Variants in DIAPH3 observed in about 807,000 individuals in gnomAD.
The protein encoded by DIAPH3 is protein diaphanous homolog 3.
Under a neutral mutation model 144.3 loss-of-function variants are expected in DIAPH3, and 117 were observed. That is an observed-to-expected ratio of 0.81 (90% CI 0.70 to 0.95). The LOEUF is 0.95. DIAPH3 is among the 40% of genes least tolerant of loss of function. The pLI is 0.00. For synonymous variants in DIAPH3, 519 were observed against 488.9 expected (o/e 1.06, Z -0.81); for missense variants, 1,421 against 1,412.7 (o/e 1.01, Z -0.09).
At chr13:59,702,430 T>G (rs1408251649) in intron 27 of DIAPH3, among the ~76,000 whole-genome samples, 1 of 152,192 alleles carries the variant, frequency 6.6e-6, no homozygotes, top group Non-Finnish European at 1.5e-5. Flanking sequence ...ATATTCACAG[T>G]GTGGAAAAGC....
At chr13:59,766,788 CAA>C (rs11300341) in intron 27 of DIAPH3, among the ~76,000 whole-genome samples, 26 of 139,320 alleles carry the variant, frequency 1.9e-4, no homozygotes, top group African/African-American at 2.3e-4. Flanking sequence ...TCTAGGCTTT[CAA>C]AAAAAAAAAA....
At chr13:59,825,283 T>C (rs1050490028) in intron 24 of DIAPH3, among the ~76,000 whole-genome samples, 1 of 151,966 alleles carries the variant, frequency 6.6e-6, no homozygotes, top group Non-Finnish European at 1.5e-5. Flanking sequence ...TGAGAACATA[T>C]GGTGTTTGGT....
chr13:60,113,545 G>C (rs2058626009), intron 2 of DIAPH3, among the ~76,000 whole-genome samples: 1 of 152,134 alleles, frequency 6.6e-6, no homozygotes, highest in Non-Finnish European at 1.5e-5. Flanking sequence ...AAAGTACTAA[G>C]AATACGACAG....
intron 2 of DIAPH3, among the ~76,000 whole-genome samples, chr13:60,127,670 T>C (rs1334122575): frequency 6.6e-6 from 1 of 152,080 alleles, no homozygotes; most frequent in Non-Finnish European, 1.5e-5. Flanking sequence ...TTATATGAAA[T>C]TCTAAAAACT....
chr13:60,112,951 CATGACTAATACA>C (rs2058608835), intron 2 of DIAPH3, among the ~76,000 whole-genome samples: 1 of 152,166 alleles, frequency 6.6e-6, no homozygotes, highest in African/African-American at 2.4e-5. Flanking sequence ...TCATACATTT[CATGACTAATACA>C]ATGTTTCAAC....
chr13:59,874,956 ATCT>A (rs2044520591), intron 21 of DIAPH3, among the ~76,000 whole-genome samples: 3 of 152,184 alleles, frequency 2.0e-5, no homozygotes, highest in South Asian at 4.1e-4. Context: ...GATTAGTAAC[ATCT>A]TCTTAAATTT....
At chr13:59,772,382 A>T (rs2038167415) in intron 27 of DIAPH3, among the ~76,000 whole-genome samples, 1 of 152,118 alleles carries the variant, frequency 6.6e-6, no homozygotes, top group African/African-American at 2.4e-5. Context: ...ACTTTCTAAA[A>T]ATGTAGGAAT....
intron 13 of DIAPH3, among the ~76,000 whole-genome samples, chr13:59,981,147 TCGTACATATTTTAAA>T (rs1418028985): frequency 6.0e-5 from 9 of 151,138 alleles, no homozygotes; most frequent in Non-Finnish European, 5.9e-5. Context: ...TATCACCAAC[TCGTACATATTTTAAA>T]GAAAAAAGAT....
intron 21 of DIAPH3, among the ~76,000 whole-genome samples, chr13:59,864,807 A>G (rs376685337): frequency 6.6e-6 from 1 of 151,998 alleles, no homozygotes; most frequent in African/African-American, 2.4e-5. Flanking sequence ...GAAAACATCA[A>G]CTGAGTAGCA....
intron 22 of DIAPH3, 22 bp downstream of exon 22, chr13:59,861,385 T>C (rs1392505226): frequency 6.2e-7 from 1 of 1,613,452 alleles, no homozygotes; most frequent in African/African-American, 1.3e-5. Context: ...AGCCATGAAA[T>C]GTTTCTTAAA....
At chr13:59,694,745 TG>T (rs1489837732) in intron 27 of DIAPH3, among the ~76,000 whole-genome samples, 2 of 152,130 alleles carry the variant, frequency 1.3e-5, no homozygotes, top group African/African-American at 4.8e-5. Context: ...AAGTTACAGT[TG>T]TAGAATGAAA....
intron 21 of DIAPH3, among the ~76,000 whole-genome samples, chr13:59,878,313 T>C (rs371442376): frequency 1.3e-5 from 2 of 152,072 alleles, no homozygotes; most frequent in African/African-American, 2.4e-5. Flanking sequence ...TCACAAGGCA[T>C]TGATAGCAAT....
chr13:59,803,602 A>C (rs2040049633), intron 25 of DIAPH3, among the ~76,000 whole-genome samples: 1 of 152,248 alleles, frequency 6.6e-6, no homozygotes, highest in African/African-American at 2.4e-5. Flanking sequence ...AAAGAAAAAA[A>C]TAATCACTTT....
chr13:59,786,817 G>T (rs1198304684), intron 25 of DIAPH3, among the ~76,000 whole-genome samples: 1 of 152,160 alleles, frequency 6.6e-6, no homozygotes, highest in Non-Finnish European at 1.5e-5. Flanking sequence ...GGATAATAAT[G>T]AGCAACAGAG....
At chr13:59,857,197 G>T (rs974181485) in intron 22 of DIAPH3, among the ~76,000 whole-genome samples, 1 of 152,112 alleles carries the variant, frequency 6.6e-6, no homozygotes, top group African/African-American at 2.4e-5. Context: ...TTTGGTTATA[G>T]CAGATAAATT....
intron 17 of DIAPH3, among the ~76,000 whole-genome samples, chr13:59,925,546 A>G (rs1013704709): frequency 3.9e-5 from 6 of 152,242 alleles, no homozygotes; most frequent in Admixed American, 6.5e-5. Context: ...TTGTCTTGGT[A>G]TTAGTGTAAA....
chr13:59,918,230 A>C (rs1204926851), intron 18 of DIAPH3, among the ~76,000 whole-genome samples: 2 of 150,598 alleles, frequency 1.3e-5, no homozygotes, highest in African/African-American at 2.4e-5. Context: ...AAAAAGAGAG[A>C]GAGAGAGAGA....
intron 4 of DIAPH3, among the ~76,000 whole-genome samples, chr13:60,050,123 G>GT (rs1309855387): frequency 1.3e-5 from 2 of 152,184 alleles, no homozygotes; most frequent in African/African-American, 4.8e-5. Context: ...GAGCCCAGGA[G>GT]TTTGAGGTTG....
intron 15 of DIAPH3, among the ~76,000 whole-genome samples, chr13:59,971,770 G>A (rs1388752729): frequency 6.6e-6 from 1 of 152,142 alleles, no homozygotes; most frequent in Non-Finnish European, 1.5e-5. Context: ...ATCTGGTCTT[G>A]TAGGGGACTT....
Sources: allele counts gnomAD v4.1 joint callset (sites outside exome capture counted in the v4.1 genomes callset), GRCh38; gene constraint gnomAD v4.1.1; transcripts MANE v1.5; gene names NCBI Gene and HGNC (gene_info 2026-07-23, HGNC 2026-07-21).